Variants in P2RY8 observed in about 807,000 individuals in gnomAD.
P2RY8 encodes S-geranylgeranyl-glutathione receptor P2RY8.
Under a neutral mutation model 10.0 loss-of-function variants are expected in P2RY8, and 6 were observed. The ratio of observed to expected loss-of-function variants is 0.60; its 90% CI spans 0.33 to 1.19. The LOEUF (loss-of-function observed/expected upper bound fraction) is 1.19, where lower values mean the gene tolerates loss of function less well. Among genes scored for constraint, P2RY8 ranks in the 50% most tolerant of loss-of-function variants. P2RY8 has a pLI of 0.04. For missense variants in P2RY8, 456 were observed against 542.0 expected (o/e 0.84, Z 1.58); for synonymous variants, 276 against 252.5 (o/e 1.09, Z -0.88).
At position 1,532,655 on chromosome X, in the gene P2RY8, C is replaced by T. The variant is rs111709384; in HGVS notation, c.-25+4266G>A. On this transcript the variant is annotated intron_variant, in intron 1 of 1. Coordinates refer to ENST00000381297, the MANE Select transcript of P2RY8 (RefSeq NM_178129.5). Reference sequence around the variant, plus strand: ...AACTCAGGAATGGAAACCCAAACATCGTATGTTCTCACTCATAAGTGAGAG... The same window carrying T: ...AACTCAGGAATGGAAACCCAAACATTGTATGTTCTCACTCATAAGTGAGAG... 6.6e-5 allele frequency among the ~76,000 whole-genome samples: 10 copies of T among 151,784 alleles called. No individual in the cohort carries two copies. The South Asian group carries it at 1.7e-3, about 25-fold the overall frequency.
In P2RY8 at chrX:1,465,536, A is replaced by C. The variant is rs751659125; in HGVS notation, c.1023T>G (p.Pro341=). The C allele has an allele frequency of 2.4e-5, 38 of 1,611,730 alleles. No individual in the cohort carries two copies. Among genetic ancestry groups the C allele is most frequent in the Admixed American group, 6.7e-5 (4 of 59,952 alleles). The part of the protein sequence containing the change: ...TSVRSEAGAH[P]EGMEGATRPG... ...GCCTGGTGGCTCCCTCCATCCCTTCAGGGTGCGCACCGGCCTCGGAGCGCA... is the reference window on the plus strand; with the variant it reads ...GCCTGGTGGCTCCCTCCATCCCTTCCGGGTGCGCACCGGCCTCGGAGCGCA... The change falls in exon 2 of 2, where the codon CCT becomes CCG. Residue 341 remains proline (P), a synonymous_variant. Coordinates refer to ENST00000381297, the MANE Select transcript of P2RY8 (RefSeq NM_178129.5).
At position 1,465,592 on chromosome X, in the gene P2RY8, C is replaced by A. The variant is rs752991565; in HGVS notation, c.967G>T (p.Glu323Ter). 6.2e-7 allele frequency: 1 copy of A among 1,613,036 alleles called. No individual in the cohort carries two copies. The highest frequency in any genetic ancestry group is 8.5e-7 in the Non-Finnish European group (1 of 1,179,814). ...VPRDTLDTRR[E>*]SLFSARTTSV... The stretch of plus-strand genomic sequence containing the variant: ...GTGGTCCTGGCGGAGAAGAGGCTCT[C>A]GCGGCGCGTGTCCAGGGTGTCTCTG... The change falls in exon 2 of 2, where the codon GAG (glutamate) becomes TAG (stop). Residue 323 changes from glutamate to a stop codon, truncating the protein, a stop_gained. Coordinates refer to ENST00000381297, the MANE Select transcript of P2RY8 (RefSeq NM_178129.5). LOFTEE classifies it low-confidence loss of function (END_TRUNC).
intron 1 of P2RY8, among the ~76,000 whole-genome samples, chrX:1,524,781 CCACTCATCCATTCATCCATCCACT>C (rs2092427132): frequency 3.6e-4 from 32 of 88,806 alleles, no homozygotes; most frequent in Non-Finnish European, 6.3e-4. Context: ...ATCCATCCAT[CCACTCATCCATTCATCCATCCACT>C]CATCCATCCA....
In P2RY8 at chrX:1,521,074, C is replaced by T. The variant is rs771424637; in HGVS notation, c.-25+15847G>A. Among the ~76,000 whole-genome samples, 371 of 129,634 alleles carry T rather than the reference C, an allele frequency of 2.9e-3. 3 individuals are homozygous for T. Among genetic ancestry groups the T allele is most frequent in the African/African-American group, 0.011 (356 of 33,490 alleles). The allele number at this position is 129,634 out of a possible 152,430, so 85.0% of individuals were successfully genotyped here. A position where few individuals can be genotyped will look rare whatever the true frequency, so the allele number is the denominator to read the frequency against. On this transcript the variant is annotated intron_variant, in intron 1 of 1. Coordinates refer to ENST00000381297, the MANE Select transcript of P2RY8 (RefSeq NM_178129.5). ...TTTTTGAGACAGAGTCTCACACTGT[C>T]GCCAGGCTGGACTGCAGCGGTGCGA...
At position 1,476,093 on chromosome X, in the gene P2RY8, A is replaced by T. The variant is rs753207125; in HGVS notation, c.-24-9511T>A. On this transcript the variant is annotated intron_variant, in intron 1 of 1. Transcript: ENST00000381297. ...GAGCTCTCCATGACCCAGGCATCAGACCCCTTCCAGCTCCAGGAGGGAGGA... is the reference window on the plus strand; with the variant it reads ...GAGCTCTCCATGACCCAGGCATCAGTCCCCTTCCAGCTCCAGGAGGGAGGA... 2.0e-5 allele frequency among the ~76,000 whole-genome samples: 3 copies of T among 152,058 alleles called. No homozygotes were observed. In the South Asian group the frequency reaches 6.2e-4, roughly 32 times the overall value.
intron 1 of P2RY8, among the ~76,000 whole-genome samples, chrX:1,535,731 A>G (rs2092521187): frequency 6.6e-6 from 1 of 151,158 alleles, no homozygotes; most frequent in Non-Finnish European, 1.5e-5. Context: ...ACACACAGAC[A>G]CACACACACA....
intron 1 of P2RY8, among the ~76,000 whole-genome samples, chrX:1,469,478 T>C (rs1367676228): frequency 6.6e-6 from 1 of 151,996 alleles, no homozygotes; most frequent in Middle Eastern, 3.2e-3. Context: ...GGTTGGACCC[T>C]TTTTCTTATG....
rs1485522739 is a variant in P2RY8, at chrX:1,465,648, A to G, written c.911T>C (p.Leu304Pro). ...YFASREFQLR[L>P]REYLGCRRVP... ...CCGGCGGCAGCCCAAATATTCCCGC[A>G]GGCGCAGCTGGAATTCCCGGGACGC... The change falls in exon 2 of 2, where the codon CTG becomes CCG. Residue 304 changes from leucine (L) to proline (P), a missense_variant. Transcript: ENST00000381297. The G allele has an allele frequency of 1.2e-6, 2 of 1,613,464 alleles. No individual in the cohort carries two copies. The highest frequency in any genetic ancestry group is 1.7e-6 in the Non-Finnish European group (2 of 1,179,814).
intron 1 of P2RY8, among the ~76,000 whole-genome samples, chrX:1,486,732 A>G (rs1354968085): frequency 2.0e-5 from 3 of 152,248 alleles, no homozygotes; most frequent in East Asian, 3.8e-4. Flanking sequence ...AATCTCAACA[A>G]GAAACAATTG....
chrX:1,522,467 G>A (rs2092400237), intron 1 of P2RY8, among the ~76,000 whole-genome samples: 1 of 152,114 alleles, frequency 6.6e-6, no homozygotes, highest in Non-Finnish European at 1.5e-5. Flanking sequence ...CGTCGTGCAC[G>A]CACAGAGATT....
rs1427809020 is a variant in P2RY8, at chrX:1,494,737, G to A, written c.-24-28155C>T. 2.0e-5 allele frequency among the ~76,000 whole-genome samples: 3 copies of A among 152,038 alleles called. 1 individual carries two copies. The highest frequency in any genetic ancestry group is 4.4e-5 in the Non-Finnish European group (3 of 68,002). ...TTGTTTTCTTTTGAGACTGAGTCTC[G>A]CTCTGCCTCCCAACCTGGAGTGCAA... On this transcript the variant is annotated intron_variant, in intron 1 of 1. Transcript: ENST00000381297.
rs1472634158 is a variant in P2RY8 at position 1,514,872 on chromosome X, C to T, written c.-25+22049G>A. Among the ~76,000 whole-genome samples the T allele has an allele frequency of 4.2e-4, 2 of 4,716 alleles. 1 individual carries two copies. The highest frequency in any genetic ancestry group is 1.3e-3 in the Non-Finnish European group (2 of 1,568). 3.1% of individuals were successfully genotyped at this position (4,716 alleles called of 152,430 possible). On this transcript the variant is annotated intron_variant, in intron 1 of 1. Transcript: ENST00000381297. ...TTCCCTCCCCCTCCCCCTCCCCTTCCCCTGTCTTCCTCTCCCCTCCCCTTC... is the reference window on the plus strand; with the variant it reads ...TTCCCTCCCCCTCCCCCTCCCCTTCTCCTGTCTTCCTCTCCCCTCCCCTTC...
chrX:1,522,590 A>C (rs1434320032), intron 1 of P2RY8, among the ~76,000 whole-genome samples: 9 of 152,150 alleles, frequency 5.9e-5, no homozygotes, highest in African/African-American at 2.2e-4. Flanking sequence ...CCAGGAGTTC[A>C]AGATGAGCCT....
chrX:1,534,101 T>TATAATATATTTACATATATATTTAA (rs2092505259), intron 1 of P2RY8, among the ~76,000 whole-genome samples: 4 of 132,800 alleles, frequency 3.0e-5, no homozygotes, highest in African/African-American at 1.1e-4. Flanking sequence ...TATATATTTA[T>TATAATATATTTACATATATATTTAA]ATATAATATA....
At position 1,466,676 on chromosome X, in the gene P2RY8, A is replaced by AG; in HGVS notation, c.-24-95dup. ...CCTGAGCGCCGCTCCCCGGGGACCA[A>AG]GGCGGGGGAGATGCTTTAGCAGGGC... On this transcript the variant is annotated intron_variant, in intron 1 of 1. Transcript: ENST00000381297. The AG allele has an allele frequency of 3.2e-6, 4 of 1,233,816 alleles. No individual in the cohort carries two copies. In the South Asian group the frequency reaches 4.4e-5, roughly 13 times the overall value. 76.4% of individuals were successfully genotyped at this position (1,233,816 alleles called of 1,614,324 possible).
At position 1,465,598 on chromosome X, in the gene P2RY8, G is replaced by T; in HGVS notation, c.961C>A (p.Arg321Ser). Residue 321 changes from arginine (R) to serine (S), a missense_variant, in exon 2 of 2, where the codon CGC (arginine) becomes AGC (serine). Coordinates refer to ENST00000381297, the MANE Select transcript of P2RY8 (RefSeq NM_178129.5). ...RRVPRDTLDT[R>S]RESLFSARTT... is the part of the protein sequence containing the mutation. ...CTGGCGGAGAAGAGGCTCTCGCGGC[G>T]CGTGTCCAGGGTGTCTCTGGGCACC... 3 of 1,613,158 alleles carry T rather than the reference G, an allele frequency of 1.9e-6. No individual in the cohort carries two copies. The highest frequency in any genetic ancestry group is 2.2e-5 in the South Asian group (2 of 91,078).
At chrX:1,471,307 C>T (rs1295690781) in intron 1 of P2RY8, among the ~76,000 whole-genome samples, 4 of 22,472 alleles carry the variant, frequency 1.8e-4, no homozygotes, top group African/African-American at 3.3e-4. Flanking sequence ...CGCGCCCAGC[C>T]CATTTTTTTT....
At chrX:1,533,002 C>CAAAA (rs56945483) in intron 1 of P2RY8, among the ~76,000 whole-genome samples, 24 of 76,072 alleles carry the variant, frequency 3.2e-4, no homozygotes, top group African/African-American at 1.2e-3. Context: ...AACTCTGTCT[C>CAAAA]AAAAAAAAAA....
At chrX:1,514,855 C>CTT (rs1569538376) in intron 1 of P2RY8, among the ~76,000 whole-genome samples, 1 of 32,424 alleles carries the variant, frequency 3.1e-5, no homozygotes, top group African/African-American at 9.7e-5. Context: ...CTTTCCCTCC[C>CTT]CCTCCCCCTC....
Sources: gnomAD v4.1 joint callset for allele counts (sites outside exome capture counted in the v4.1 genomes callset) on GRCh38, gnomAD v4.1.1 for gene constraint, MANE v1.5 for transcripts, NCBI Gene and HGNC (gene_info 2026-07-23, HGNC 2026-07-21) for gene names.